Variants in HS3ST4 observed in about 807,000 individuals in gnomAD.
HS3ST4 encodes the protein heparan sulfate-glucosamine 3-sulfotransferase 4.
A neutral mutation model predicts 29.2 loss-of-function variants in HS3ST4; 17 were observed. That is an observed-to-expected ratio of 0.58 (90% CI 0.40 to 0.87). The LOEUF is 0.87. Ranked by LOEUF, HS3ST4 falls within the 40% of genes least tolerant of loss-of-function variation. HS3ST4 has a pLI of 0.00. For synonymous variants in HS3ST4, 314 were observed against 285.7 expected (o/e 1.10, Z -1.00); for missense variants, 627 against 634.5 (o/e 0.99, Z 0.13).
chr16:25,948,884 T>C (rs1968656460), intron 1 of HS3ST4, among the ~76,000 whole-genome samples: 1 of 152,166 alleles, frequency 6.6e-6, no homozygotes, highest in Admixed American at 6.5e-5. Flanking sequence ...ATGAGGAGAC[T>C]GAAGCAAAGC....
chr16:25,790,522 T>C (rs796379233), intron 1 of HS3ST4, among the ~76,000 whole-genome samples: 23 of 152,376 alleles, frequency 1.5e-4, no homozygotes, highest in African/African-American at 5.5e-4. Flanking sequence ...TGTTTGTGAG[T>C]CCAGGATGTA....
At chr16:25,979,231 C>T (rs1968977520) in intron 1 of HS3ST4, among the ~76,000 whole-genome samples, 1 of 152,142 alleles carries the variant, frequency 6.6e-6, no homozygotes, top group Admixed American at 6.6e-5. Flanking sequence ...GATCTTGCTT[C>T]TAGCTTTGCA....
intron 1 of HS3ST4, among the ~76,000 whole-genome samples, chr16:25,813,039 C>T (rs891919268): frequency 6.6e-6 from 1 of 152,164 alleles, no homozygotes; most frequent in African/African-American, 2.4e-5. Flanking sequence ...ACTCACAGTA[C>T]ATCTATCTGA....
intron 1 of HS3ST4, among the ~76,000 whole-genome samples, chr16:25,913,916 G>A (rs1239504979): frequency 6.7e-6 from 1 of 149,500 alleles, no homozygotes; most frequent in Non-Finnish European, 1.5e-5. Flanking sequence ...GTGTGCATAT[G>A]TATGTAGGGA....
intron 1 of HS3ST4, among the ~76,000 whole-genome samples, chr16:25,777,505 G>A (rs9923810): frequency 1 from 152,186 of 152,188 alleles, 76,092 homozygotes; most frequent in Non-Finnish European, 1. Flanking sequence ...GCGGTGGCTC[G>A]CGCCTGTAAT....
At chr16:25,738,347 C>T (rs1334231954) in intron 1 of HS3ST4, among the ~76,000 whole-genome samples, 1 of 152,226 alleles carries the variant, frequency 6.6e-6, no homozygotes, top group Non-Finnish European at 1.5e-5. Context: ...TCACTCCTTA[C>T]ATGCCAGGCA....
intron 1 of HS3ST4, among the ~76,000 whole-genome samples, chr16:25,845,378 G>A (rs1165502784): frequency 6.6e-6 from 1 of 151,980 alleles, no homozygotes; most frequent in African/African-American, 2.4e-5. Flanking sequence ...GCATGGTGAT[G>A]AGCACCTGTA....
chr16:25,902,757 G>A (rs1368491089), intron 1 of HS3ST4, among the ~76,000 whole-genome samples: 5 of 149,180 alleles, frequency 3.4e-5, no homozygotes, highest in African/African-American at 9.9e-5. Context: ...AGGCAAATGG[G>A]ACTCCAGACA....
chr16:26,053,721 A>G (rs1285099558), intron 1 of HS3ST4, among the ~76,000 whole-genome samples: 5 of 152,154 alleles, frequency 3.3e-5, no homozygotes, highest in African/African-American at 1.2e-4. Flanking sequence ...CGATTTACCA[A>G]TATATATATA....
intron 1 of HS3ST4, among the ~76,000 whole-genome samples, chr16:25,799,762 G>C (rs1046405342): frequency 3.9e-5 from 6 of 152,124 alleles, no homozygotes; most frequent in Non-Finnish European, 8.8e-5. Flanking sequence ...AAAGTTCTTA[G>C]AATTCTGCCT....
At chr16:25,715,195 G>A (rs1030684264) in intron 1 of HS3ST4, among the ~76,000 whole-genome samples, 8 of 151,782 alleles carry the variant, frequency 5.3e-5, no homozygotes, top group Admixed American at 2.0e-4. Flanking sequence ...GGTGGCGGGC[G>A]CCTGTAGTCC....
intron 1 of HS3ST4, among the ~76,000 whole-genome samples, chr16:26,088,349 T>G (rs1255577764): frequency 6.6e-6 from 1 of 152,238 alleles, no homozygotes; most frequent in Non-Finnish European, 1.5e-5. Flanking sequence ...TGATGAGCTG[T>G]AATAATGTAT....
At chr16:25,804,714 G>C (rs1314168425) in intron 1 of HS3ST4, among the ~76,000 whole-genome samples, 2 of 151,982 alleles carry the variant, frequency 1.3e-5, no homozygotes, top group Non-Finnish European at 2.9e-5. Flanking sequence ...TCATATACTA[G>C]CTTGTTATTT....
intron 1 of HS3ST4, among the ~76,000 whole-genome samples, chr16:25,786,459 A>G (rs1966857829): frequency 6.6e-6 from 1 of 152,218 alleles, no homozygotes; most frequent in African/African-American, 2.4e-5. Context: ...TAAGTACTCA[A>G]TCAGGTTACC....
chr16:25,928,122 G>C (rs1968426446), intron 1 of HS3ST4, among the ~76,000 whole-genome samples: 1 of 150,828 alleles, frequency 6.6e-6, no homozygotes, highest in South Asian at 2.1e-4. Context: ...CTTGCACCTG[G>C]ATGTTCGAGG....
At chr16:26,012,331 C>T (rs1189988017) in intron 1 of HS3ST4, among the ~76,000 whole-genome samples, 1 of 152,118 alleles carries the variant, frequency 6.6e-6, no homozygotes, top group East Asian at 1.9e-4. Context: ...GAAGGTTTGT[C>T]CCTCAATCAA....
intron 1 of HS3ST4, among the ~76,000 whole-genome samples, chr16:25,823,773 A>C (rs1303295460): frequency 6.6e-6 from 1 of 152,206 alleles, no homozygotes; most frequent in African/African-American, 2.4e-5. Flanking sequence ...CATGTTGGCC[A>C]GGCTGGTCTT....
rs58851793 is a variant in HS3ST4 at position 25,831,396 on chromosome 16, TACACACACACACAC to T, written c.734+138279_734+138292del. Among the ~76,000 whole-genome samples the T allele has an allele frequency of 8.9e-3, 1,124 of 126,138 alleles. 7 individuals carry two copies. Among genetic ancestry groups the T allele is most frequent in the Non-Finnish European group, 0.013 (795 of 61,268 alleles). 82.8% of individuals were successfully genotyped at this position (126,138 alleles called of 152,430 possible). Reference sequence around the variant, plus strand: ...GGGCAACATAATGAGACCCCGTCTCTACACACACACACACACACACACACACACACACACACACA... The same window carrying T: ...GGGCAACATAATGAGACCCCGTCTCTACACACACACACACACACACACACA... On this transcript the variant is annotated intron_variant, in intron 1 of 1. Coordinates refer to ENST00000331351, the MANE Select transcript of HS3ST4 (RefSeq NM_006040.3).
At chr16:25,971,379 C>A (rs1442096531) in intron 1 of HS3ST4, among the ~76,000 whole-genome samples, 1 of 152,150 alleles carries the variant, frequency 6.6e-6, no homozygotes, top group Non-Finnish European at 1.5e-5. Flanking sequence ...GTTTTTCACT[C>A]ACTGTTTATC....
Sources: gnomAD v4.1 joint callset for allele counts (sites outside exome capture counted in the v4.1 genomes callset) on GRCh38, gnomAD v4.1.1 for gene constraint, MANE v1.5 for transcripts, NCBI Gene and HGNC (gene_info 2026-07-23, HGNC 2026-07-21) for gene names.